BPTF: variants seen among roughly 807,000 people sequenced by gnomAD.
BPTF encodes nucleosome-remodeling factor subunit BPTF.
A neutral mutation model predicts 292.5 loss-of-function variants in BPTF; 18 were observed. The ratio of observed to expected loss-of-function variants is 0.06; its 90% CI spans 0.04 to 0.09. BPTF has a LOEUF of 0.09. Ranked by LOEUF, BPTF falls within the 10% of genes least tolerant of loss-of-function variation. The pLI is 1.00. For synonymous variants in BPTF, 1,225 were observed against 1,251.9 expected, an observed-to-expected ratio of 0.98 and a Z score of 0.45; for missense variants, 2,726 against 3,498.7, an observed-to-expected ratio of 0.78 and a Z score of 5.57.
At position 67,826,298 on chromosome 17, in the gene BPTF, A is replaced by G; in HGVS notation, c.574A>G (p.Ser192Gly). The change falls in exon 1 of 28, where the codon AGC (serine) becomes GGC (glycine). Residue 192 changes from serine (S) to glycine (G), a missense_variant. This residue lies in a region of BPTF where 153 missense variants were observed against 178.3 expected (regional missense o/e 0.86). Transcript: ENST00000306378. Reference sequence around the variant, plus strand: ...CGACGACGCCAGTTACTGCACGGAAAGCAGCTTCAGGAGCCATAGTACCTA... The same window carrying G: ...CGACGACGCCAGTTACTGCACGGAAGGCAGCTTCAGGAGCCATAGTACCTA... ...DDDDASYCTE[S>G]SFRSHSTYSS... The G allele has an allele frequency of 1.2e-6, 2 of 1,612,730 alleles. No homozygotes were observed. Among genetic ancestry groups the G allele is most frequent in the South Asian group, 1.1e-5 (1 of 91,026 alleles).
At chr17:67,880,301 T>C (rs2060317123) in intron 4 of BPTF, among the ~76,000 whole-genome samples, 1 of 152,198 alleles carries the variant, frequency 6.6e-6, no homozygotes, top group African/African-American at 2.4e-5. Context: ...TCTTAGTATT[T>C]TGTCCTTCCT....
intron 20 of BPTF, chr17:67,944,706 G>A: frequency 3.2e-6 from 1 of 316,174 alleles, no homozygotes; most frequent in Non-Finnish European, 6.0e-6. Context: ...AGGGAGGGTG[G>A]GTAAATCCAG....
At position 67,904,807 on chromosome 17, in the gene BPTF, A is replaced by G. The variant is rs1268800059; in HGVS notation, c.2779A>G (p.Thr927Ala). The change falls in exon 9 of 28, where the codon ACT becomes GCT. Residue 927 changes from threonine (T) to alanine (A), a missense_variant. Transcript: ENST00000306378. ...YRFVPKLPGN[T>A]NVNYRKSLEG... ...GTTTGTTCCTAAATTGCCAGGCAAT[A>G]CTAATGTGAATTACAGAAAGTCGTT... The G allele has an allele frequency of 6.2e-7, 1 of 1,613,058 alleles. No homozygotes were observed. Among genetic ancestry groups the G allele is most frequent in the East Asian group, 2.2e-5 (1 of 44,792 alleles).
intron 15 of BPTF, among the ~76,000 whole-genome samples, chr17:67,926,699 C>G (rs1466311468): frequency 2.6e-5 from 4 of 152,086 alleles, no homozygotes; most frequent in African/African-American, 9.7e-5. Flanking sequence ...GAAGGCATAT[C>G]CTCCTATAAA....
chr17:67,898,838 CT>C (rs1274794085), intron 7 of BPTF, among the ~76,000 whole-genome samples: 1 of 149,150 alleles, frequency 6.7e-6, no homozygotes, highest in African/African-American at 2.5e-5. Context: ...AGGAGAATCA[CT>C]TGAGGCCAGG....
intron 4 of BPTF, among the ~76,000 whole-genome samples, chr17:67,884,326 G>A (rs896722677): frequency 6.6e-6 from 1 of 151,588 alleles, no homozygotes. Flanking sequence ...GGCTGCTCTC[G>A]AATGCCTGAC....
intron 1 of BPTF, among the ~76,000 whole-genome samples, chr17:67,841,522 T>G (rs889741789): frequency 3.3e-5 from 5 of 152,144 alleles, no homozygotes; most frequent in Admixed American, 2.0e-4. Context: ...ACATATCTTT[T>G]TCTACCCTTT....
chr17:67,937,634 T>C (rs1264323019), intron 18 of BPTF, among the ~76,000 whole-genome samples: 2 of 147,688 alleles, frequency 1.4e-5, no homozygotes, highest in Non-Finnish European at 3.0e-5. Context: ...GAGGCAGGAG[T>C]GGACCTGGTG....
chr17:67,963,041 C>A (rs1555684884), intron 24 of BPTF, among the ~76,000 whole-genome samples: 1 of 152,068 alleles, frequency 6.6e-6, no homozygotes, highest in East Asian at 1.9e-4. Flanking sequence ...GAAGACATTA[C>A]CATCAATGTG....
chr17:67,923,295 C>T (rs1352373313), intron 14 of BPTF, among the ~76,000 whole-genome samples: 1 of 151,782 alleles, frequency 6.6e-6, no homozygotes, highest in Non-Finnish European at 1.5e-5. Context: ...TGGGCTCAAG[C>T]AATCCACCCA....
At position 67,928,406 on chromosome 17, in the gene BPTF, C is replaced by T. The variant is rs2064096072; in HGVS notation, c.5803C>T (p.Pro1935Ser). ...PTVIATSTTS[P>S]TSSTTSTISP... ...AGTGATTGCAACTTCCACTACTTCC[C>T]CAACAAGCAGTACAACCAGCACCAT... Residue 1935 changes from proline to serine, a missense_variant, in exon 16 of 28, where the codon CCA becomes TCA. Pro to Ser is a moderately conservative substitution (Grantham distance 74). This residue lies in a region of BPTF where 198 missense variants were observed against 277.1 expected (regional missense o/e 0.71). Transcript: ENST00000306378. 1 of 1,613,892 alleles carries T rather than the reference C, an allele frequency of 6.2e-7. No individual in the cohort carries two copies. The highest frequency in any genetic ancestry group is 1.3e-5 in the African/African-American group (1 of 75,038).
At chr17:67,943,604 A>T (rs1310120183) in intron 19 of BPTF, among the ~76,000 whole-genome samples, 1 of 152,136 alleles carries the variant, frequency 6.6e-6, no homozygotes, top group Non-Finnish European at 1.5e-5. Context: ...TTTGGCACGT[A>T]TTGAAAGACA....
At chr17:67,969,008 A>G (rs1053059439) in intron 26 of BPTF, among the ~76,000 whole-genome samples, 1 of 151,074 alleles carries the variant, frequency 6.6e-6, no homozygotes, top group East Asian at 1.9e-4. Flanking sequence ...AACAAAATAA[A>G]TAAAGAAGAT....
At chr17:67,949,989 G>C (rs2066164461) in intron 23 of BPTF, among the ~76,000 whole-genome samples, 1 of 147,186 alleles carries the variant, frequency 6.8e-6, no homozygotes, top group Non-Finnish European at 1.5e-5. Context: ...GGAAGGTGGA[G>C]GTTGCAGTGA....
intron 15 of BPTF, among the ~76,000 whole-genome samples, chr17:67,925,992 CTTTTT>C (rs60083535): frequency 8.8e-5 from 5 of 56,652 alleles, no homozygotes; most frequent in East Asian, 1.7e-3. Flanking sequence ...TAACATATTA[CTTTTT>C]TTTTTTTTTT....
At chr17:67,947,613 C>A (rs2065908323) in intron 21 of BPTF, 113 bp from the exon 22 acceptor site, 3 of 788,448 alleles carry the variant, frequency 3.8e-6, no homozygotes, top group South Asian at 2.1e-5. Context: ...ATATAAAATT[C>A]TTACAGTTTC....
At chr17:67,982,117 C>T in intron 27 of BPTF, 135 bp from the exon 28 acceptor site, 2 of 800,972 alleles carry the variant, frequency 2.5e-6, no homozygotes. Context: ...TCGTTCTTTT[C>T]TATTCGCTTG....
chr17:67,947,162 C>A (rs6504557), intron 21 of BPTF, among the ~76,000 whole-genome samples: 142,067 of 152,254 alleles, frequency 0.93, 67,096 homozygotes, highest in East Asian at 1. Flanking sequence ...GCACTTTTTA[C>A]ACAGCGAAGT....
chr17:67,926,423 C>A (rs2063906087), intron 15 of BPTF, among the ~76,000 whole-genome samples: 1 of 144,030 alleles, frequency 6.9e-6, no homozygotes, highest in Non-Finnish European at 1.5e-5. Flanking sequence ...CTCCCGGGTT[C>A]ACGCCATTCT....
Sources: gnomAD v4.1 joint callset for allele counts (sites outside exome capture counted in the v4.1 genomes callset) on GRCh38, gnomAD v4.1.1 for gene constraint, gnomAD v4.1.1 regional missense constraint, MANE v1.5 for transcripts, NCBI Gene and HGNC (gene_info 2026-07-23, HGNC 2026-07-21) for gene names.